The following MEF2C variants were observed in gnomAD, a reference collection of about 807,000 sequenced individuals.
The protein encoded by MEF2C is myocyte enhancer factor 2C.
MEF2C carries 6 observed loss-of-function variants against 50.5 expected under a neutral mutation model. That is an observed-to-expected ratio of 0.12 (90% confidence interval 0.07 to 0.23). The LOEUF is 0.23. Ranked by LOEUF, MEF2C falls within the 10% of genes least tolerant of loss-of-function variation. MEF2C has a pLI of 1.00. For synonymous variants in MEF2C, 183 were observed against 228.0 expected (o/e 0.80, Z 1.78); for missense variants, 276 against 605.0 (o/e 0.46, Z 5.70).
intron 6 of MEF2C, chr5:88,740,706 T>C (rs868676489): frequency 6.7e-5 from 66 of 984,922 alleles, no homozygotes; most frequent in Non-Finnish European, 7.6e-5. Flanking sequence ...AATATCATTC[T>C]CCTTTGGGTA....
intron 3 of MEF2C, among the ~76,000 whole-genome samples, chr5:88,768,330 C>T (rs990760911): frequency 6.6e-6 from 1 of 152,130 alleles, no homozygotes; most frequent in Non-Finnish European, 1.5e-5. Context: ...ATTTCCACTT[C>T]AATGTTAATG....
intron 1 of MEF2C, among the ~76,000 whole-genome samples, chr5:88,839,987 A>T (rs1816742044): frequency 6.6e-6 from 1 of 152,204 alleles, no homozygotes; most frequent in African/African-American, 2.4e-5. Flanking sequence ...TTTGGTTAGA[A>T]ATACATATTT....
intron 6 of MEF2C, chr5:88,742,470 T>TA (rs759185326): frequency 1.7e-5 from 17 of 979,762 alleles, no homozygotes; most frequent in Non-Finnish European, 2.1e-5. Context: ...GGGATATGAG[T>TA]AAAGAAACCA....
chr5:88,764,114 T>G (rs1778975890), intron 3 of MEF2C, among the ~76,000 whole-genome samples: 1 of 152,230 alleles, frequency 6.6e-6, no homozygotes, highest in African/African-American at 2.4e-5. Flanking sequence ...GACAACAGAA[T>G]GCAAGGGTGA....
chr5:88,864,334 A>C (rs1365438269), intron 1 of MEF2C, among the ~76,000 whole-genome samples: 1 of 151,434 alleles, frequency 6.6e-6, no homozygotes, highest in East Asian at 1.9e-4. Context: ...TGTTATTTAA[A>C]AATAAAAATT....
intron 1 of MEF2C, among the ~76,000 whole-genome samples, chr5:88,850,356 T>G (rs951163652): frequency 6.6e-6 from 1 of 152,198 alleles, no homozygotes; most frequent in Non-Finnish European, 1.5e-5. Flanking sequence ...ACAGATGAAA[T>G]GGAGGCAAAG....
chr5:88,785,409 A>G (rs1790397122), intron 3 of MEF2C: 1 of 152,170 alleles, frequency 6.6e-6, no homozygotes, highest in African/African-American at 2.4e-5. Flanking sequence ...TAGTTTCTAC[A>G]TCATTTTAAA....
chr5:88,797,241 T>C lies in MEF2C; in HGVS notation c.258+7357A>G, dbSNP rs192376857. Among the ~76,000 whole-genome samples the C allele has an allele frequency of 5.1e-3, 779 of 152,234 alleles. 13 individuals are homozygous for C. The highest frequency in any genetic ancestry group is 0.018 in the African/African-American group (747 of 41,534). On this transcript the variant is annotated intron_variant, in intron 3 of 10. Coordinates refer to ENST00000504921, the MANE Select transcript of MEF2C (RefSeq NM_002397.5). ...ACAGTGGGGTGTTAAAGTCTCCGAC[T>C]ATTATTGTGTGGGAATCTAAGTCTC...
intron 2 of MEF2C, among the ~76,000 whole-genome samples, chr5:88,806,085 G>A (rs1036737982): frequency 4.0e-5 from 6 of 151,758 alleles, no homozygotes; most frequent in Admixed American, 3.3e-4. Flanking sequence ...CTGACATATC[G>A]TTTGTTTCTT....
intron 1 of MEF2C, among the ~76,000 whole-genome samples, chr5:88,874,902 C>T (rs999733420): frequency 1.3e-5 from 2 of 151,776 alleles, no homozygotes; most frequent in Non-Finnish European, 2.9e-5. Context: ...CTGAAGGCTC[C>T]CATTTAATAC....
intron 1 of MEF2C, among the ~76,000 whole-genome samples, chr5:88,858,931 C>T (rs1824484291): frequency 6.6e-6 from 1 of 152,172 alleles, no homozygotes. Flanking sequence ...TGAAGGAGCA[C>T]TGCAAACCAT....
chr5:88,767,049 T>C (rs528850522), intron 3 of MEF2C, among the ~76,000 whole-genome samples: 1 of 152,342 alleles, frequency 6.6e-6, no homozygotes, highest in Non-Finnish European at 1.5e-5. Flanking sequence ...CTGAAAGTGT[T>C]TCCATATTGG....
intron 3 of MEF2C, among the ~76,000 whole-genome samples, chr5:88,802,085 T>C (rs1798604847): frequency 6.6e-6 from 1 of 152,244 alleles, no homozygotes; most frequent in African/African-American, 2.4e-5. Flanking sequence ...ATCCAATCTC[T>C]AGATTTGGCC....
chr5:88,822,811 C>T (rs1581226106), intron 2 of MEF2C, among the ~76,000 whole-genome samples: 1 of 152,048 alleles, frequency 6.6e-6, no homozygotes, highest in African/African-American at 2.4e-5. Flanking sequence ...GTAGGCAAAA[C>T]ACTCTTCTCT....
chr5:88,765,573 A>G (rs779785207), intron 3 of MEF2C, among the ~76,000 whole-genome samples: 10 of 152,230 alleles, frequency 6.6e-5, no homozygotes, highest in Non-Finnish European at 1.0e-4. Flanking sequence ...GACTAAATGG[A>G]TAAATAAGCA....
chr5:88,844,704 C>A (rs914617117), intron 1 of MEF2C: 4 of 425,866 alleles, frequency 9.4e-6, no homozygotes, highest in African/African-American at 8.6e-5. Flanking sequence ...AAAAACAACT[C>A]TTTTCCTCAT....
intron 1 of MEF2C, among the ~76,000 whole-genome samples, chr5:88,847,877 G>T (rs1819890593): frequency 6.6e-6 from 1 of 151,972 alleles, no homozygotes; most frequent in African/African-American, 2.4e-5. Flanking sequence ...ACAATTTTTG[G>T]TAATGACTTG....
intron 6 of MEF2C, chr5:88,742,614 T>C (rs1767362662): frequency 3.0e-6 from 3 of 985,298 alleles, no homozygotes; most frequent in Non-Finnish European, 3.6e-6. Context: ...TAACCTAAAA[T>C]TTTCTTTTTT....
chr5:88,736,910 T>A, intron 6 of MEF2C: 2 of 985,370 alleles, frequency 2.0e-6, no homozygotes, highest in Non-Finnish European at 2.4e-6. Context: ...TAATTCAAAT[T>A]TATCTTTTAA....
Sources: gnomAD v4.1 joint callset for allele counts (sites outside exome capture counted in the v4.1 genomes callset) on GRCh38, gnomAD v4.1.1 for gene constraint, MANE v1.5 for transcripts, NCBI Gene and HGNC (gene_info 2026-07-23, HGNC 2026-07-21) for gene names.